FSTL4: variants seen among roughly 807,000 people sequenced by gnomAD.
FSTL4 encodes the protein follistatin like 4, also known as follistatin-related protein 4.
Under a neutral mutation model 78.2 loss-of-function variants are expected in FSTL4, and 28 were observed. That is an observed-to-expected ratio of 0.36 (90% CI 0.27 to 0.49). The LOEUF is 0.49. Ranked by LOEUF, FSTL4 falls within the 20% of genes least tolerant of loss-of-function variation. The pLI is 0.98. For missense variants in FSTL4, 922 were observed against 1,084.9 expected (o/e 0.85, Z 2.11); for synonymous variants, 422 against 440.5 (o/e 0.96, Z 0.53).
intron 3 of FSTL4, among the ~76,000 whole-genome samples, chr5:133,433,674 A>G (rs1441302542): frequency 6.6e-6 from 1 of 152,222 alleles, no homozygotes; most frequent in Non-Finnish European, 1.5e-5. Context: ...CAATTAAAAT[A>G]CATTGATTCG....
At chr5:133,349,772 C>T (rs1259197887) in intron 4 of FSTL4, among the ~76,000 whole-genome samples, 1 of 146,996 alleles carries the variant, frequency 6.8e-6, no homozygotes, top group Non-Finnish European at 1.5e-5. Context: ...CTTTGTCATG[C>T]TGCCATGTGA....
chr5:133,300,471 G>A (rs1460675104), intron 6 of FSTL4, among the ~76,000 whole-genome samples: 2 of 152,192 alleles, frequency 1.3e-5, no homozygotes, highest in African/African-American at 4.8e-5. Flanking sequence ...ACTGTGCCCT[G>A]AGCATGGAGC....
At chr5:133,828,957 G>A in the FSTL4 span, among the ~76,000 whole-genome samples, 2 of 152,176 alleles carry the variant, frequency 1.3e-5, no homozygotes, top group Non-Finnish European at 2.9e-5. Context: ...ATAACAGCGG[G>A]CAGGCAGCCT....
chr5:133,609,700 C>A (rs372862904), intron 1 of FSTL4, among the ~76,000 whole-genome samples: 3 of 152,212 alleles, frequency 2.0e-5, no homozygotes, highest in Non-Finnish European at 2.9e-5. Flanking sequence ...AATTAGATGG[C>A]TACATTATTC....
At chr5:133,692,151 G>T in the FSTL4 span, among the ~76,000 whole-genome samples, 1 of 152,198 alleles carries the variant, frequency 6.6e-6, no homozygotes. Context: ...GGAAGGGTAG[G>T]AGTCTGCCAG....
At chr5:133,390,665 T>G (rs187037796) in intron 4 of FSTL4, among the ~76,000 whole-genome samples, 1 of 152,366 alleles carries the variant, frequency 6.6e-6, no homozygotes, top group Admixed American at 6.5e-5. Flanking sequence ...TGTTCCTCCT[T>G]CATCCAATGA....
chr5:133,408,540 G>C (rs940113465), intron 3 of FSTL4, among the ~76,000 whole-genome samples: 1 of 149,366 alleles, frequency 6.7e-6, no homozygotes, highest in Non-Finnish European at 1.5e-5. Flanking sequence ...TGACCGAGCT[G>C]AGGATGCAGC....
At chr5:133,653,358 C>T in the FSTL4 span, among the ~76,000 whole-genome samples, 1 of 152,114 alleles carries the variant, frequency 6.6e-6, no homozygotes. Flanking sequence ...GAAGTACAAC[C>T]CACAAGGCAC....
At chr5:133,328,475 G>C (rs1399640438) in intron 4 of FSTL4, among the ~76,000 whole-genome samples, 1 of 152,170 alleles carries the variant, frequency 6.6e-6, no homozygotes, top group Non-Finnish European at 1.5e-5. Flanking sequence ...TGGTTGACTG[G>C]CAGATCTGTC....
the FSTL4 span, among the ~76,000 whole-genome samples, chr5:133,619,402 GT>G: frequency 2.6e-5 from 4 of 152,212 alleles, no homozygotes; most frequent in South Asian, 8.3e-4. Context: ...GGGTTTTTCT[GT>G]TACTCAAAGT....
At chr5:133,204,033 T>G (rs746731621) in intron 14 of FSTL4, among the ~76,000 whole-genome samples, 1 of 152,104 alleles carries the variant, frequency 6.6e-6, no homozygotes, top group South Asian at 2.1e-4. Context: ...AGGAGATGCA[T>G]GTATGTGTCT....
rs529745587 is a variant in FSTL4, at chr5:133,316,534, G to A, written c.528C>T (p.Arg176=). Residue 176 remains arginine, a synonymous_variant, in exon 5 of 16, where the codon CGC becomes CGT. Coordinates refer to ENST00000265342, the MANE Select transcript of FSTL4 (RefSeq NM_015082.2). The part of the protein sequence containing the change: ...DSRQDPASQK[R]LLVESLFRDL... ...CCCTGAACAGAGATTCCACCAGGAG[G>A]CGCTTCTGGGAGGCAGGGTCTTGTC... The A allele has an allele frequency of 2.0e-5, 32 of 1,613,970 alleles. No individual in the cohort carries two copies. Among genetic ancestry groups the A allele is most frequent in the Non-Finnish European group, 2.6e-5 (31 of 1,179,936 alleles).
At chr5:133,608,839 G>C (rs1308618739) in intron 1 of FSTL4, among the ~76,000 whole-genome samples, 2 of 152,146 alleles carry the variant, frequency 1.3e-5, no homozygotes, top group Non-Finnish European at 2.9e-5. Context: ...GGGAGAAATA[G>C]GTATTCATAT....
At chr5:133,709,408 G>A in the FSTL4 span, among the ~76,000 whole-genome samples, 5 of 152,222 alleles carry the variant, frequency 3.3e-5, no homozygotes, top group Non-Finnish European at 5.9e-5. Flanking sequence ...GCTCTACAAG[G>A]ACTGGCTTCA....
the FSTL4 span, among the ~76,000 whole-genome samples, chr5:133,647,187 ATTGGT>A: frequency 6.6e-6 from 1 of 152,158 alleles, no homozygotes; most frequent in Admixed American, 6.5e-5. Flanking sequence ...TCTTGACTCC[ATTGGT>A]GGCATCAGGA....
chr5:133,699,352 G>T, the FSTL4 span, among the ~76,000 whole-genome samples: 9 of 152,048 alleles, frequency 5.9e-5, no homozygotes, highest in South Asian at 6.2e-4. Context: ...CTCCCCCTCT[G>T]CTATAAGGAC....
chr5:133,824,628 C>G, the FSTL4 span, among the ~76,000 whole-genome samples: 1 of 152,164 alleles, frequency 6.6e-6, no homozygotes, highest in Non-Finnish European at 1.5e-5. Flanking sequence ...TAAGAAGACT[C>G]GGGGCGAAGA....
At chr5:133,820,825 T>A in the FSTL4 span, among the ~76,000 whole-genome samples, 1 of 152,200 alleles carries the variant, frequency 6.6e-6, no homozygotes, top group African/African-American at 2.4e-5. Context: ...ATATCTTATA[T>A]CCTCTCCCTG....
chr5:133,744,223 C>A, the FSTL4 span, among the ~76,000 whole-genome samples: 7 of 152,334 alleles, frequency 4.6e-5, no homozygotes, highest in Non-Finnish European at 1.0e-4. Context: ...AAAGCCACAT[C>A]TTCCCCTTTT....
Sources: gnomAD v4.1 joint callset for allele counts (sites outside exome capture counted in the v4.1 genomes callset) on GRCh38, gnomAD v4.1.1 for gene constraint, MANE v1.5 for transcripts, NCBI Gene and HGNC (gene_info 2026-07-23, HGNC 2026-07-21) for gene names.